CEP250: variants seen among roughly 807,000 people sequenced by gnomAD.
The protein encoded by CEP250 is centrosome-associated protein CEP250.
In CEP250, 242 loss-of-function variants were observed where a neutral mutation model predicts 315.7. The ratio of observed to expected loss-of-function variants is 0.77; its 90% CI spans 0.69 to 0.85. The LOEUF (loss-of-function observed/expected upper bound fraction) is 0.85, where lower values mean the gene tolerates loss of function less well. Ranked by LOEUF, CEP250 falls within the 40% of genes least tolerant of loss-of-function variation. CEP250 has a pLI of 0.00. For missense variants in CEP250, 2,515 were observed against 2,886.4 expected, an observed-to-expected ratio of 0.87 and a Z score of 2.95; for synonymous variants, 1,088 against 1,175.0, an observed-to-expected ratio of 0.93 and a Z score of 1.51.
chr20:35,511,373 T>TGCAA lies in CEP250; in HGVS notation c.7079_7082dup (p.Gln2362SerfsTer23). The TGCAA allele has an allele frequency of 3.1e-6, 5 of 1,605,006 alleles. No individual in the cohort carries two copies. The highest frequency in any genetic ancestry group is 4.3e-6 in the Non-Finnish European group (5 of 1,173,624). ...TTTCCTGCCCACCAGGTGGTCCTGCTGCAAGCTCAGCTGACTTTGGAGCGG... is the reference window on the plus strand; with the variant it reads ...TTTCCTGCCCACCAGGTGGTCCTGCTGCAAGCAAGCTCAGCTGACTTTGGAGCGG... On this transcript the variant is annotated frameshift_variant, in exon 35 of 35. Coordinates refer to ENST00000397527, the MANE Select transcript of CEP250 (RefSeq NM_007186.6). LOFTEE classifies it high-confidence loss of function.
At position 35,508,020 on chromosome 20, in the gene CEP250, A is replaced by T; in HGVS notation, c.6751-15A>T. ...TAGGGGCTGCCCAGGTGAGATTCAC[A>T]GGTCTTTCCCACAGGTCTCAGGAGT... is the stretch of plus-strand genomic sequence containing the variant. On this transcript the variant is annotated splice_polypyrimidine_tract_variant and intron_variant, in intron 31 of 34. Coordinates refer to ENST00000397527, the MANE Select transcript of CEP250 (RefSeq NM_007186.6). 1 of 1,614,068 alleles carries T rather than the reference A, an allele frequency of 6.2e-7. No homozygotes were observed. The highest frequency in any genetic ancestry group is 2.2e-5 in the East Asian group (1 of 44,884).
chr20:35,501,707 C>T (rs1314501905), intron 28 of CEP250, 138 bp from the exon 29 acceptor site: 1 of 941,934 alleles, frequency 1.1e-6, no homozygotes, highest in Non-Finnish European at 1.5e-6. Context: ...CTCTAGGACA[C>T]TGGATATAAT....
chr20:35,490,863 A>C, intron 21 of CEP250, 59 bp downstream of exon 21: 1 of 1,575,082 alleles, frequency 6.3e-7, no homozygotes, highest in Middle Eastern at 2.3e-4. Flanking sequence ...TACCTTGACC[A>C]CTTCCTTTTC....
chr20:35,476,983 G>C (rs2063191496), intron 16 of CEP250, among the ~76,000 whole-genome samples: 1 of 152,024 alleles, frequency 6.6e-6, no homozygotes, highest in Non-Finnish European at 1.5e-5. Flanking sequence ...TGAGTAGCTG[G>C]GATTACAGGC....
Position 35,477,965 on chromosome 20 carries a change from G to A in CEP250, c.1958G>A (p.Arg653Lys), listed in dbSNP as rs767568616. ...LQVDLAEAEK[R>K]REALWEKNTH... ...GTCGACCTGGCGGAGGCAGAGAAGA[G>A]GAGGGAAGCCCTGTGGGAAAAGAAC... Residue 653 changes from arginine (R) to lysine (K), a missense_variant, in exon 17 of 35, where the codon AGG becomes AAG. Physicochemically the swap from Arg to Lys is conservative, Grantham distance 26 (BLOSUM62 2). Transcript: ENST00000397527. The A allele has an allele frequency of 5.0e-6, 8 of 1,613,320 alleles. No individual in the cohort carries two copies. Among genetic ancestry groups the A allele is most frequent in the Non-Finnish European group, 5.9e-6 (7 of 1,179,730 alleles).
chr20:35,494,728 G>A (rs1244070502), intron 24 of CEP250, 71 bp downstream of exon 24: 4 of 1,563,176 alleles, frequency 2.6e-6, no homozygotes, highest in Non-Finnish European at 3.5e-6. Flanking sequence ...ATTGACAGTT[G>A]TTTGCTCAGG....
rs1052168734 is a variant in CEP250, at chr20:35,513,516, C to T, written c.*1890C>T. Reference sequence around the variant, plus strand: ...CAGGTGATCCACCCACCTCGGCCTCCCAAAATGTTGGGATTACGGGCATGA... The same window carrying T: ...CAGGTGATCCACCCACCTCGGCCTCTCAAAATGTTGGGATTACGGGCATGA... On this transcript the variant is annotated 3_prime_UTR_variant, in exon 35 of 35. Coordinates refer to ENST00000397527, the MANE Select transcript of CEP250 (RefSeq NM_007186.6). 1 of 152,206 alleles carries T rather than the reference C, an allele frequency of 6.6e-6. No homozygotes were observed. The highest frequency in any genetic ancestry group is 1.5e-5 in the Non-Finnish European group (1 of 68,060). The allele number at this position is 152,206 out of a possible 1,614,324, so 9.4% of individuals were successfully genotyped here.
chr20:35,467,023 G>A lies in CEP250; in HGVS notation c.550G>A (p.Val184Ile), dbSNP rs761323783. Reference sequence around the variant, plus strand: ...TCGCCTTCTCAGTCTATGGCGGGAGGTTGTGACATTCCGACGCCACTTCCT... The same window carrying A: ...TCGCCTTCTCAGTCTATGGCGGGAGATTGTGACATTCCGACGCCACTTCCT... ...HGRLLSLWRE[V>I]VTFRRHFLEM... Residue 184 changes from valine (V) to isoleucine (I), a missense_variant, in exon 8 of 35, where the codon GTT becomes ATT. By Grantham distance (29) the Val-to-Ile change is conservative. Coordinates refer to ENST00000397527, the MANE Select transcript of CEP250 (RefSeq NM_007186.6). The A allele has an allele frequency of 6.2e-7, 1 of 1,614,032 alleles. No homozygotes were observed.
At chr20:35,488,760 A>C (rs1365814402) in intron 20 of CEP250, among the ~76,000 whole-genome samples, 7 of 152,222 alleles carry the variant, frequency 4.6e-5, no homozygotes, top group African/African-American at 1.7e-4. Context: ...TACCACGTCC[A>C]GCCAGACCAC....
chr20:35,462,796 C>T (rs1194929441), intron 4 of CEP250, among the ~76,000 whole-genome samples: 1 of 152,150 alleles, frequency 6.6e-6, no homozygotes, highest in Non-Finnish European at 1.5e-5. Flanking sequence ...GGGTTTTGCT[C>T]TGTTGCCCAG....
Position 35,476,448 on chromosome 20 carries a change from G to A in CEP250, c.1717-1G>A. The stretch of plus-strand genomic sequence containing the variant: ...ACTCTTTAATCCTTTTTGTTTTTTA[G>A]GCAGAGCAGTCAATTGCAGAGCTGT... On this transcript the variant is annotated splice_acceptor_variant, in intron 15 of 34. Transcript: ENST00000397527. LOFTEE classifies it high-confidence loss of function. The A allele has an allele frequency of 6.2e-7, 1 of 1,609,500 alleles. No homozygotes were observed. The highest frequency in any genetic ancestry group is 8.5e-7 in the Non-Finnish European group (1 of 1,177,306).
chr20:35,493,957 G>A (rs1205088143), intron 23 of CEP250, among the ~76,000 whole-genome samples: 1 of 152,138 alleles, frequency 6.6e-6, no homozygotes, highest in Non-Finnish European at 1.5e-5. Context: ...TTTTGCCTTT[G>A]GGAGTAGTTA....
In CEP250 at chr20:35,467,058, G is replaced by A. The variant is rs747074479; in HGVS notation, c.585G>A (p.Lys195=). The stretch of plus-strand genomic sequence containing the variant: ...TCCGACGCCACTTCCTGGAAATGAA[G>A]TCAGCTACTGACAGGTCAGTGTGGG... ...VTFRRHFLEM[K]SATDRDLMEL... is the part of the protein sequence containing the mutation. Residue 195 remains lysine (K), a synonymous_variant, in exon 8 of 35, where the codon AAG becomes AAA. Coordinates refer to ENST00000397527, the MANE Select transcript of CEP250 (RefSeq NM_007186.6). The A allele has an allele frequency of 3.3e-5, 54 of 1,612,650 alleles. No homozygotes were observed. Among genetic ancestry groups the A allele is most frequent in the Non-Finnish European group, 7.6e-6 (9 of 1,179,344 alleles).
intron 5 of CEP250, among the ~76,000 whole-genome samples, chr20:35,464,449 C>T (rs894473809): frequency 2.0e-5 from 3 of 152,084 alleles, no homozygotes; most frequent in Non-Finnish European, 4.4e-5. Flanking sequence ...GTAGCTGGGA[C>T]TACAGATACA....
At chr20:35,464,153 C>T (rs1478237332) in intron 5 of CEP250, among the ~76,000 whole-genome samples, 1 of 152,160 alleles carries the variant, frequency 6.6e-6, no homozygotes. Context: ...GATGGTCCTC[C>T]CCAACTTAGG....
intron 1 of CEP250, among the ~76,000 whole-genome samples, chr20:35,457,642 C>T (rs1299091165): frequency 6.6e-6 from 1 of 151,876 alleles, no homozygotes; most frequent in Non-Finnish European, 1.5e-5. Flanking sequence ...ACTAAAAATA[C>T]AAAAAAATTA....
chr20:35,463,380 G>T (rs1290459340), intron 4 of CEP250, among the ~76,000 whole-genome samples, 195 bp from the exon 5 acceptor site: 1 of 152,172 alleles, frequency 6.6e-6, no homozygotes, highest in Admixed American at 6.5e-5. Context: ...TCCAGCCTGG[G>T]ACACAGAGCG....
At chr20:35,466,939 G>A (rs748315594) in intron 7 of CEP250, 27 bp from the exon 8 acceptor site, 2 of 1,479,594 alleles carry the variant, frequency 1.4e-6, no homozygotes, top group African/African-American at 1.4e-5. Context: ...CTGCCTTTGG[G>A]TATGACCTGG....
chr20:35,482,958 C>G (rs982086845), intron 20 of CEP250, among the ~76,000 whole-genome samples: 2 of 152,166 alleles, frequency 1.3e-5, no homozygotes, highest in African/African-American at 2.4e-5. Context: ...CTGGAAAATT[C>G]TTATATATTA....
Sources: allele counts gnomAD v4.1 joint callset (sites outside exome capture counted in the v4.1 genomes callset), GRCh38; gene constraint gnomAD v4.1.1; transcripts MANE v1.5; gene names NCBI Gene and HGNC (gene_info 2026-07-23, HGNC 2026-07-21).